LPP: variants seen among roughly 807,000 people sequenced by gnomAD.
The protein encoded by LPP is LIM domain containing preferred translocation partner in lipoma, also known as lipoma-preferred partner.
Under a neutral mutation model 60.4 loss-of-function variants are expected in LPP, and 38 were observed. That is an observed-to-expected ratio of 0.63 (90% CI 0.49 to 0.83). The LOEUF is 0.83. LPP is among the 40% of genes least tolerant of loss of function. The pLI, the probability that LPP is intolerant of heterozygous loss-of-function variation, is 0.00. For missense variants in LPP, 902 were observed against 783.6 expected (o/e 1.15, Z -1.80); for synonymous variants, 328 against 290.8 (o/e 1.13, Z -1.30).
chr3:188,328,058 T>C (rs6800430), intron 2 of LPP, among the ~76,000 whole-genome samples: 149,262 of 152,292 alleles, frequency 0.98, 73,194 homozygotes, highest in African/African-American at 1. Flanking sequence ...GAAAATCCAG[T>C]CTCTCACAGC....
At chr3:188,745,651 T>C (rs1725905887) in intron 8 of LPP, among the ~76,000 whole-genome samples, 1 of 152,204 alleles carries the variant, frequency 6.6e-6, no homozygotes, top group African/African-American at 2.4e-5. Flanking sequence ...TTTAAGTCAG[T>C]AAATTTTTTA....
chr3:188,813,276 T>A (rs1340504306), intron 9 of LPP, among the ~76,000 whole-genome samples: 1 of 152,194 alleles, frequency 6.6e-6, no homozygotes, highest in Non-Finnish European at 1.5e-5. Context: ...AAAAACCATT[T>A]TTCAGTCACT....
chr3:188,663,365 G>C (rs1269661795), intron 7 of LPP, among the ~76,000 whole-genome samples: 1 of 152,196 alleles, frequency 6.6e-6, no homozygotes, highest in Non-Finnish European at 1.5e-5. Context: ...AAGATCTCAA[G>C]CTGTTAGGTA....
intron 8 of LPP, among the ~76,000 whole-genome samples, chr3:188,714,297 G>T (rs1273336700): frequency 6.6e-6 from 1 of 152,190 alleles, no homozygotes; most frequent in Non-Finnish European, 1.5e-5. Flanking sequence ...TCAAGTGAGA[G>T]ATGGAGGGAC....
At chr3:188,688,275 T>C (rs1280541526) in intron 7 of LPP, among the ~76,000 whole-genome samples, 1 of 152,242 alleles carries the variant, frequency 6.6e-6, no homozygotes, top group African/African-American at 2.4e-5. Context: ...GGATTGAATT[T>C]TCCCTATGCA....
chr3:188,810,781 CT>C (rs1750701647), intron 9 of LPP, among the ~76,000 whole-genome samples: 1 of 152,084 alleles, frequency 6.6e-6, no homozygotes, highest in Non-Finnish European at 1.5e-5. Flanking sequence ...TGCACACTGT[CT>C]GGCTTGTTTT....
At chr3:188,823,938 A>T (rs1190685574) in intron 9 of LPP, among the ~76,000 whole-genome samples, 1 of 152,158 alleles carries the variant, frequency 6.6e-6, no homozygotes, top group African/African-American at 2.4e-5. Context: ...AAACCATTAG[A>T]TCTTAAGTAT....
chr3:188,200,485 A>G (rs1274606734), intron 1 of LPP, among the ~76,000 whole-genome samples: 4 of 152,200 alleles, frequency 2.6e-5, no homozygotes, highest in Non-Finnish European at 5.9e-5. Context: ...ATCCAGGGAT[A>G]AGGAAGATGT....
chr3:188,282,267 A>T (rs1742373995), intron 2 of LPP, among the ~76,000 whole-genome samples: 1 of 152,166 alleles, frequency 6.6e-6, no homozygotes, highest in Non-Finnish European at 1.5e-5. Context: ...TTGGACACCT[A>T]GTCTCAGCTC....
rs186634339 is a variant in LPP at position 188,775,576 on chromosome 3, A to G, written c.1410+15294A>G. 1.5e-3 allele frequency among the ~76,000 whole-genome samples: 232 copies of G among 152,342 alleles called. 1 individual carries two copies. Among genetic ancestry groups the G allele is most frequent in the South Asian group, 4.3e-3 (21 of 4,828 alleles). On this transcript the variant is annotated intron_variant, in intron 9 of 11. Transcript: ENST00000617246. The stretch of plus-strand genomic sequence containing the variant: ...GGTTATTATACATTCCTATTAGATC[A>G]TTAGGAAATTGGCACAAGTGGCAGG...
chr3:188,664,461 G>A (rs1408110306), intron 7 of LPP, among the ~76,000 whole-genome samples: 1 of 152,198 alleles, frequency 6.6e-6, no homozygotes, highest in African/African-American at 2.4e-5. Context: ...TAAAACAACT[G>A]TGAAGTTCAA....
At chr3:188,705,121 AC>A (rs1269265748) in intron 7 of LPP, among the ~76,000 whole-genome samples, 1 of 152,216 alleles carries the variant, frequency 6.6e-6, no homozygotes, top group African/African-American at 2.4e-5. Flanking sequence ...TTCATGGATT[AC>A]AAAAGTAGAA....
intron 3 of LPP, among the ~76,000 whole-genome samples, chr3:188,369,800 C>T (rs1430855641): frequency 6.6e-6 from 1 of 152,180 alleles, no homozygotes; most frequent in East Asian, 1.9e-4. Context: ...CCTTTCCCTT[C>T]CCTAGGCCTG....
intron 6 of LPP, among the ~76,000 whole-genome samples, chr3:188,608,794 C>T (rs527912273): frequency 3.0e-4 from 46 of 152,254 alleles, no homozygotes; most frequent in African/African-American, 1.0e-3. Context: ...AGTCTTTCAA[C>T]CTATGAACAC....
At position 188,877,132 on chromosome 3, in the gene LPP, AAT is replaced by A. The variant is rs1769342975; in HGVS notation, c.*2658_*2659del. ...CAATATTTTATTCTAGGGTTTCTTA[AAT>A]ATATGATTTATATTACTGTCTTTTC... On this transcript the variant is annotated 3_prime_UTR_variant, in exon 12 of 12. Transcript: ENST00000617246. The A allele has an allele frequency of 5.7e-6, 1 of 174,334 alleles. No individual in the cohort carries two copies. The highest frequency in any genetic ancestry group is 2.4e-5 in the African/African-American group (1 of 42,304). The allele number at this position is 174,334 out of a possible 1,614,324, so 10.8% of individuals were successfully genotyped here.
chr3:188,172,600 G>A (rs1187006654), intron 1 of LPP, among the ~76,000 whole-genome samples: 1 of 151,908 alleles, frequency 6.6e-6, no homozygotes, highest in Admixed American at 6.6e-5. Context: ...TTTTAATTTT[G>A]GAGTAATTTT....
chr3:188,495,731 G>A (rs1313339071), intron 5 of LPP, among the ~76,000 whole-genome samples: 2 of 152,216 alleles, frequency 1.3e-5, no homozygotes, highest in Admixed American at 6.5e-5. Flanking sequence ...GATTTGGTAC[G>A]AAAGCCCTAT....
chr3:188,424,311 T>C (rs1310346234), intron 4 of LPP, among the ~76,000 whole-genome samples: 1 of 152,200 alleles, frequency 6.6e-6, no homozygotes, highest in Non-Finnish European at 1.5e-5. Context: ...TTCATTGGTC[T>C]ATATATCTGT....
At chr3:188,532,444 C>G (rs1467258304) in intron 6 of LPP, among the ~76,000 whole-genome samples, 6 of 152,064 alleles carry the variant, frequency 3.9e-5, no homozygotes, top group African/African-American at 1.5e-4. Flanking sequence ...ATCAATCAAT[C>G]AATCAATAGA....
Sources: gnomAD v4.1 joint callset for allele counts (sites outside exome capture counted in the v4.1 genomes callset) on GRCh38, gnomAD v4.1.1 for gene constraint, MANE v1.5 for transcripts, NCBI Gene and HGNC (gene_info 2026-07-23, HGNC 2026-07-21) for gene names.